The following TRIM9 variants were observed in gnomAD, a reference collection of about 807,000 sequenced individuals.
TRIM9 encodes the protein tripartite motif containing 9, also known as E3 ubiquitin-protein ligase TRIM9.
In TRIM9, 26 loss-of-function variants were observed where a neutral mutation model predicts 78.3. The ratio of observed to expected loss-of-function variants is 0.33; its 90% CI spans 0.24 to 0.46. TRIM9 has a LOEUF of 0.46. Among genes scored for constraint, TRIM9 ranks in the 20% least tolerant of loss-of-function variants. The pLI is 1.00. For synonymous variants in TRIM9, 398 were observed against 416.5 expected (o/e 0.96, Z 0.54); for missense variants, 787 against 1,036.4 (o/e 0.76, Z 3.30).
At chr14:51,078,671 A>C (rs2063028745) in intron 1 of TRIM9, among the ~76,000 whole-genome samples, 1 of 152,342 alleles carries the variant, frequency 6.6e-6, no homozygotes, top group Non-Finnish European at 1.5e-5. Context: ...ATGATATTTT[A>C]AAGTATTACT....
chr14:50,978,497 G>C (rs1451931721), intron 12 of TRIM9, among the ~76,000 whole-genome samples: 1 of 152,140 alleles, frequency 6.6e-6, no homozygotes, highest in African/African-American at 2.4e-5. Context: ...TGCACAGGCT[G>C]TTCCCTCTGT....
At chr14:51,015,317 T>G (rs1350766437) in intron 3 of TRIM9, among the ~76,000 whole-genome samples, 3 of 151,912 alleles carry the variant, frequency 2.0e-5, no homozygotes, top group African/African-American at 7.3e-5. Flanking sequence ...CCAATCTCCT[T>G]CCTCCAGGCA....
intron 7 of TRIM9, chr14:50,997,683 C>A: frequency 6.2e-6 from 7 of 1,134,818 alleles, no homozygotes; most frequent in Non-Finnish European, 7.6e-6. Context: ...GCAAAACTGG[C>A]ACATGATGTG....
At chr14:51,025,016 C>G (rs549376005) in intron 2 of TRIM9, among the ~76,000 whole-genome samples, 12 of 152,092 alleles carry the variant, frequency 7.9e-5, no homozygotes, top group Non-Finnish European at 1.8e-4. Context: ...GAATTAGGAC[C>G]TCAGTGTGGA....
intron 1 of TRIM9, among the ~76,000 whole-genome samples, chr14:51,028,826 C>T (rs1247277193): frequency 6.6e-6 from 1 of 152,052 alleles, no homozygotes; most frequent in Non-Finnish European, 1.5e-5. Context: ...CCGAGGTCTC[C>T]CAGAAAGATG....
intron 2 of TRIM9, 101 bp from the exon 3 acceptor site, chr14:51,023,058 C>G: frequency 6.7e-7 from 1 of 1,486,726 alleles, no homozygotes; most frequent in Non-Finnish European, 9.1e-7. Flanking sequence ...TGAAAAGGAA[C>G]TCTGTCCACA....
intron 1 of TRIM9, among the ~76,000 whole-genome samples, chr14:51,088,327 C>T (rs187899251): frequency 6.6e-6 from 1 of 152,268 alleles, no homozygotes; most frequent in Admixed American, 6.5e-5. Flanking sequence ...AATCAAGTGG[C>T]TTTGTTTGTT....
Position 51,063,909 on chromosome 14 carries a change from C to A in TRIM9, c.822+30209G>T, listed in dbSNP as rs570645213. On this transcript the variant is annotated intron_variant, in intron 1 of 12. Transcript: ENST00000684578. ...AACCACAGAAAGGAATAAAGACCAT[C>A]TGAAATGGGCATAAATACATATATG... is the stretch of plus-strand genomic sequence containing the variant. Among the ~76,000 whole-genome samples, 3 of 152,114 alleles carry A rather than the reference C, an allele frequency of 2.0e-5. No homozygotes were observed. The East Asian group carries it at 5.8e-4, about 29-fold the overall frequency.
At chr14:51,000,072 G>A (rs1362668513) in intron 6 of TRIM9, among the ~76,000 whole-genome samples, 1 of 152,140 alleles carries the variant, frequency 6.6e-6, no homozygotes, top group African/African-American at 2.4e-5. Context: ...ATAGAACTGG[G>A]GAAACCTTTG....
chr14:51,045,264 G>A (rs541695239), intron 1 of TRIM9, among the ~76,000 whole-genome samples: 7 of 152,220 alleles, frequency 4.6e-5, no homozygotes, highest in Non-Finnish European at 7.3e-5. Flanking sequence ...GGGACAGAGT[G>A]AGATATCAGA....
chr14:51,048,945 C>G (rs1290087805), intron 1 of TRIM9, among the ~76,000 whole-genome samples: 1 of 149,276 alleles, frequency 6.7e-6, no homozygotes, highest in Non-Finnish European at 1.5e-5. Flanking sequence ...GATCGCACCA[C>G]TGCACTCCAG....
intron 3 of TRIM9, among the ~76,000 whole-genome samples, chr14:51,013,881 C>A (rs1353979572): frequency 6.6e-6 from 1 of 152,150 alleles, no homozygotes; most frequent in African/African-American, 2.4e-5. Flanking sequence ...ATATGCTATT[C>A]CCCTCTGCTG....
rs12893276 is a variant in TRIM9, at chr14:51,053,628, G to A, written c.823-28268C>T. The stretch of plus-strand genomic sequence containing the variant: ...TTTTTTTATTATACTCTAAGTTTTA[G>A]GGTACATGTGCACATTGTGCAGGTT... On this transcript the variant is annotated intron_variant, in intron 1 of 12. Coordinates refer to ENST00000684578, the MANE Select transcript of TRIM9 (RefSeq NM_001387360.1). Among the ~76,000 whole-genome samples, 770 of 113,454 alleles carry A rather than the reference G, an allele frequency of 6.8e-3. 2 individuals carry two copies. The highest frequency in any genetic ancestry group is 0.011 in the Non-Finnish European group (601 of 55,904). 74.4% of individuals were successfully genotyped at this position (113,454 alleles called of 152,430 possible).
chr14:51,033,000 T>A (rs888374616), intron 1 of TRIM9, among the ~76,000 whole-genome samples: 1 of 152,216 alleles, frequency 6.6e-6, no homozygotes, highest in African/African-American at 2.4e-5. Context: ...AAGGTAAATA[T>A]ACCAGAATCT....
intron 5 of TRIM9, among the ~76,000 whole-genome samples, chr14:51,002,207 C>T (rs1439697328): frequency 1.3e-5 from 2 of 152,100 alleles, no homozygotes; most frequent in Admixed American, 6.5e-5. Flanking sequence ...CTGCAAGCTC[C>T]GCCTCCCAGG....
intron 2 of TRIM9, among the ~76,000 whole-genome samples, 185 bp downstream of exon 2, chr14:51,025,080 T>G (rs944824091): frequency 6.6e-6 from 1 of 152,186 alleles, no homozygotes; most frequent in Non-Finnish European, 1.5e-5. Flanking sequence ...TGGCAAAAAG[T>G]AACTACCTCA....
At chr14:51,047,896 T>A (rs2060074695) in intron 1 of TRIM9, among the ~76,000 whole-genome samples, 1 of 151,980 alleles carries the variant, frequency 6.6e-6, no homozygotes, top group Non-Finnish European at 1.5e-5. Context: ...AGAAATCTCC[T>A]TAGCAGTGAG....
At chr14:50,996,037 G>C (rs2054171214) in intron 7 of TRIM9, 1 of 943,990 alleles carries the variant, frequency 1.1e-6, no homozygotes, top group African/African-American at 1.8e-5. Flanking sequence ...ATTAGAATGA[G>C]GGAGAAACAA....
chr14:51,020,912 G>C (rs1288808132), intron 3 of TRIM9, among the ~76,000 whole-genome samples: 1 of 152,170 alleles, frequency 6.6e-6, no homozygotes, highest in African/African-American at 2.4e-5. Flanking sequence ...ACCATGTTCT[G>C]TTAAAAAGTG....
Sources: allele counts gnomAD v4.1 joint callset (sites outside exome capture counted in the v4.1 genomes callset), GRCh38; gene constraint gnomAD v4.1.1; transcripts MANE v1.5; gene names NCBI Gene and HGNC (gene_info 2026-07-23, HGNC 2026-07-21).